Variants in PRKCE observed in about 807,000 individuals in gnomAD.
The protein encoded by PRKCE is protein kinase C epsilon.
PRKCE carries 16 observed loss-of-function variants against 85.4 expected under a neutral mutation model. The observed-to-expected ratio is 0.19, with a 90% CI of 0.13 to 0.28. PRKCE has a LOEUF of 0.28. PRKCE is among the 10% of genes least tolerant of loss of function. PRKCE has a pLI of 1.00. For missense variants in PRKCE, 573 were observed against 975.2 expected (o/e 0.59, Z 5.49); for synonymous variants, 388 against 371.5 (o/e 1.04, Z -0.51).
At chr2:46,143,513 A>G (rs894467402) in intron 11 of PRKCE, among the ~76,000 whole-genome samples, 1 of 152,124 alleles carries the variant, frequency 6.6e-6, no homozygotes, top group African/African-American at 2.4e-5. Context: ...TAGTCCTTCA[A>G]ATAAGCCTAC....
At chr2:46,061,664 C>A (rs1311008528) in intron 10 of PRKCE, among the ~76,000 whole-genome samples, 2 of 152,094 alleles carry the variant, frequency 1.3e-5, no homozygotes, top group Non-Finnish European at 2.9e-5. Flanking sequence ...CCCCAAGCCA[C>A]CTCCTTGGTA....
intron 2 of PRKCE, among the ~76,000 whole-genome samples, chr2:45,860,503 T>C (rs537353966): frequency 6.6e-6 from 1 of 152,306 alleles, no homozygotes; most frequent in Non-Finnish European, 1.5e-5. Flanking sequence ...CCCAGGCCAT[T>C]TTCTTTGCCC....
intron 2 of PRKCE, among the ~76,000 whole-genome samples, chr2:45,933,512 C>A (rs1010291504): frequency 7.8e-6 from 1 of 128,712 alleles, no homozygotes; most frequent in Non-Finnish European, 1.6e-5. Flanking sequence ...CTCGCTCTGC[C>A]GCCCAGGCTG....
At position 46,184,399 on chromosome 2, in the gene PRKCE, G is replaced by A. The variant is rs1680288015; in HGVS notation, c.2068-336G>A. 1.3e-5 allele frequency among the ~76,000 whole-genome samples: 2 copies of A among 149,370 alleles called. No homozygotes were observed. The highest frequency in any genetic ancestry group is 4.2e-4 in the South Asian group (2 of 4,720). ...TAGGTTACAGCAGTTGCTGAAAGAG[G>A]GTGTGAGATGGGACCTTTGCATCAT... On this transcript the variant is annotated intron_variant, in intron 14 of 14. Transcript: ENST00000306156. The surrounding 1 kb of genome is among the most constrained non-coding windows in gnomAD (Gnocchi z 5.0).
chr2:45,873,132 T>C (rs1407175279), intron 2 of PRKCE, among the ~76,000 whole-genome samples: 4 of 152,178 alleles, frequency 2.6e-5, no homozygotes, highest in Non-Finnish European at 5.9e-5. Context: ...CTCTCACATA[T>C]ACACACTAGA....
intron 1 of PRKCE, among the ~76,000 whole-genome samples, chr2:45,711,830 G>A (rs1165969032): frequency 6.6e-6 from 1 of 152,062 alleles, no homozygotes; most frequent in Non-Finnish European, 1.5e-5. Flanking sequence ...TCACTATGTC[G>A]GTCAGGATGG....
At chr2:45,735,165 C>G (rs886856646) in intron 1 of PRKCE, among the ~76,000 whole-genome samples, 1 of 152,172 alleles carries the variant, frequency 6.6e-6, no homozygotes, top group Non-Finnish European at 1.5e-5. Context: ...GATTGCAACA[C>G]CACATGTGGT....
In PRKCE at chr2:45,907,631, T is replaced by C. The variant is rs1317710165; in HGVS notation, c.412+64568T>C. Among the ~76,000 whole-genome samples, 1 of 152,186 alleles carries C rather than the reference T, an allele frequency of 6.6e-6. No individual in the cohort carries two copies. Among genetic ancestry groups the C allele is most frequent in the African/African-American group, 2.4e-5 (1 of 41,452 alleles). ...CAGTGCCAATCATCGTGGTCCGCAT[T>C]CTATGGACTGTTCTGTCCAGGGAGA... On this transcript the variant is annotated intron_variant, in intron 2 of 14. Coordinates refer to ENST00000306156, the MANE Select transcript of PRKCE (RefSeq NM_005400.3). This position sits in a 1 kb window ranked among gnomAD's most constrained non-coding sequence, Gnocchi z 4.5.
chr2:45,739,723 C>T (rs751557112), intron 1 of PRKCE, among the ~76,000 whole-genome samples: 2 of 151,846 alleles, frequency 1.3e-5, no homozygotes, highest in Non-Finnish European at 2.9e-5. Context: ...ACAAAGGGGC[C>T]CAGGGAATTT....
chr2:45,989,629 C>T (rs971960286), intron 6 of PRKCE, among the ~76,000 whole-genome samples: 35 of 145,368 alleles, frequency 2.4e-4, no homozygotes, highest in Non-Finnish European at 1.6e-4. Context: ...TGTCTCCCTC[C>T]TTCCTTCCTT....
At chr2:45,690,444 C>T (rs559527891) in intron 1 of PRKCE, among the ~76,000 whole-genome samples, 2 of 152,148 alleles carry the variant, frequency 1.3e-5, no homozygotes, top group East Asian at 1.9e-4. Context: ...AGGCAGGGGG[C>T]GAAGGAAGCA....
chr2:45,842,966 A>G, intron 1 of PRKCE, 34 bp from the exon 2 acceptor site: 1 of 1,602,922 alleles, frequency 6.2e-7, no homozygotes, highest in Non-Finnish European at 8.5e-7. Flanking sequence ...CACACAATGC[A>G]CTAACAGAGT....
intron 1 of PRKCE, among the ~76,000 whole-genome samples, chr2:45,734,866 G>C (rs951006322): frequency 6.6e-6 from 1 of 152,182 alleles, no homozygotes; most frequent in Non-Finnish European, 1.5e-5. Context: ...TATGGGAAAG[G>C]TCTAGCCTCC....
In PRKCE at chr2:46,061,957, G is replaced by A. The variant is rs375706013; in HGVS notation, c.1438-24251G>A. Among the ~76,000 whole-genome samples the A allele has an allele frequency of 1.5e-4, 22 of 150,022 alleles. No individual in the cohort carries two copies. The East Asian group carries it at 3.9e-3, about 27-fold the overall frequency. On this transcript the variant is annotated intron_variant, in intron 10 of 14. Transcript: ENST00000306156. ...CTACAACCTCCGCCTCCCGGGTTCGGGTTCAAGAGATCCTAGTGTGTCAGC... is the reference window on the plus strand; with the variant it reads ...CTACAACCTCCGCCTCCCGGGTTCGAGTTCAAGAGATCCTAGTGTGTCAGC...
Position 45,905,032 on chromosome 2 carries a change from A to C in PRKCE, c.412+61969A>C, listed in dbSNP as rs1427164679. Reference sequence around the variant, plus strand: ...GGGGCTCCACATCACTTCAGCAGGCACGGTGACACACAGGACTCACTGGAT... The same window carrying C: ...GGGGCTCCACATCACTTCAGCAGGCCCGGTGACACACAGGACTCACTGGAT... On this transcript the variant is annotated intron_variant, in intron 2 of 14. Coordinates refer to ENST00000306156, the MANE Select transcript of PRKCE (RefSeq NM_005400.3). The surrounding 1 kb of genome is among the most constrained non-coding windows in gnomAD (Gnocchi z 4.4). Among the ~76,000 whole-genome samples the C allele has an allele frequency of 6.6e-6, 1 of 152,230 alleles. No homozygotes were observed. The highest frequency in any genetic ancestry group is 2.4e-5 in the African/African-American group (1 of 41,468).
At chr2:45,933,412 C>T (rs1320018846) in intron 2 of PRKCE, among the ~76,000 whole-genome samples, 4 of 149,628 alleles carry the variant, frequency 2.7e-5, no homozygotes, top group Admixed American at 2.7e-4. Context: ...TAAGGATGTT[C>T]ACCTATGACT....
At chr2:46,170,636 C>T (rs1209459181) in intron 14 of PRKCE, among the ~76,000 whole-genome samples, 1 of 152,172 alleles carries the variant, frequency 6.6e-6, no homozygotes, top group Non-Finnish European at 1.5e-5. Context: ...TCAAAATTCT[C>T]TTCTCACCTT....
intron 1 of PRKCE, among the ~76,000 whole-genome samples, chr2:45,777,854 C>A (rs542660022): frequency 6.6e-6 from 1 of 152,228 alleles, no homozygotes; most frequent in Admixed American, 6.5e-5. Context: ...GAGGTATGAT[C>A]TTTTTGGAGA....
intron 1 of PRKCE, among the ~76,000 whole-genome samples, chr2:45,833,813 G>C (rs1011711945): frequency 6.6e-6 from 1 of 152,206 alleles, no homozygotes; most frequent in Non-Finnish European, 1.5e-5. Flanking sequence ...TGGATTATCT[G>C]CTTCAGAATG....
Sources: gnomAD v4.1 joint callset for allele counts (sites outside exome capture counted in the v4.1 genomes callset) on GRCh38, gnomAD v4.1.1 for gene constraint, Gnocchi (gnomAD v3.1) non-coding constraint, MANE v1.5 for transcripts, NCBI Gene and HGNC (gene_info 2026-07-23, HGNC 2026-07-21) for gene names.